Variants in NBAS observed in about 807,000 individuals in gnomAD.
NBAS encodes NBAS subunit of NRZ tethering complex, also known as NAG/BC035112 fusion.
Under a neutral mutation model 302.5 loss-of-function variants are expected in NBAS, and 219 were observed. That is an observed-to-expected ratio of 0.72 (90% CI 0.65 to 0.81). The LOEUF is 0.81. Ranked by LOEUF, NBAS falls within the 30% of genes least tolerant of loss-of-function variation. The pLI, the probability that NBAS is intolerant of heterozygous loss-of-function variation, is 0.00. For synonymous variants in NBAS, 1,118 were observed against 1,021.6 expected, an observed-to-expected ratio of 1.09 and a Z score of -1.80; for missense variants, 2,932 against 2,841.6, an observed-to-expected ratio of 1.03 and a Z score of -0.72.
At chr2:14,874,463 TAAA>T in the NBAS span, among the ~76,000 whole-genome samples, 27 of 129,644 alleles carry the variant, frequency 2.1e-4, no homozygotes, top group Admixed American at 6.2e-4. Flanking sequence ...CGTCTCTACT[TAAA>T]AAAAAAAAAA....
the NBAS span, among the ~76,000 whole-genome samples, chr2:15,104,600 G>C: frequency 6.6e-6 from 1 of 151,534 alleles, no homozygotes; most frequent in Non-Finnish European, 1.5e-5. Context: ...GGTATTTCTG[G>C]TTCTAGATCC....
chr2:15,028,006 C>G, the NBAS span, among the ~76,000 whole-genome samples: 1 of 152,106 alleles, frequency 6.6e-6, no homozygotes, highest in African/African-American at 2.4e-5. Flanking sequence ...ACACTTTATT[C>G]TTTTGATACA....
the NBAS span, among the ~76,000 whole-genome samples, chr2:14,964,957 C>T: frequency 6.6e-6 from 1 of 151,730 alleles, no homozygotes; most frequent in Non-Finnish European, 1.5e-5. Context: ...AAGAATAAAT[C>T]AAAAGGGAAG....
At chr2:15,550,703 C>T (rs1380061244) in intron 6 of NBAS, among the ~76,000 whole-genome samples, 2 of 151,808 alleles carry the variant, frequency 1.3e-5, no homozygotes, top group Non-Finnish European at 2.9e-5. Context: ...TCTCCTGCCT[C>T]GGCCTCCCAA....
intron 48 of NBAS, among the ~76,000 whole-genome samples, chr2:15,218,336 T>C (rs1267556910): frequency 1.5e-5 from 2 of 136,528 alleles, no homozygotes; most frequent in African/African-American, 5.9e-5. Flanking sequence ...AATAGCTGAT[T>C]GATATATATA....
At chr2:15,181,420 A>G (rs1218310445) in intron 50 of NBAS, among the ~76,000 whole-genome samples, 1 of 152,210 alleles carries the variant, frequency 6.6e-6, no homozygotes, top group East Asian at 1.9e-4. Flanking sequence ...TTGGCCAAAT[A>G]CTTACTCTAT....
intron 42 of NBAS, among the ~76,000 whole-genome samples, chr2:15,284,715 G>A (rs1669965509): frequency 6.6e-6 from 1 of 152,112 alleles, no homozygotes. Flanking sequence ...TATTAACAAG[G>A]CTGATTTCTA....
intron 44 of NBAS, among the ~76,000 whole-genome samples, chr2:15,241,355 A>G (rs1667859598): frequency 6.6e-6 from 1 of 152,216 alleles, no homozygotes; most frequent in Admixed American, 6.5e-5. Context: ...GCTAATTCAC[A>G]TGGGCAGGAA....
the NBAS span, among the ~76,000 whole-genome samples, chr2:14,842,939 C>T: frequency 2.0e-5 from 3 of 150,734 alleles, no homozygotes; most frequent in African/African-American, 7.3e-5. Context: ...AACTCAAACT[C>T]AACAACCCAT....
chr2:15,535,551 T>TAAATAAATAAATAAATAAATAAACAAAC (rs1553334457), intron 8 of NBAS, among the ~76,000 whole-genome samples: 5 of 147,778 alleles, frequency 3.4e-5, no homozygotes, highest in African/African-American at 1.3e-4. Context: ...AATAAATAAA[T>TAAATAAATAAATAAATAAATAAACAAAC]AAATAAATAA....
intron 47 of NBAS, among the ~76,000 whole-genome samples, chr2:15,232,194 G>C (rs1271986945): frequency 6.6e-6 from 1 of 151,976 alleles, no homozygotes; most frequent in Non-Finnish European, 1.5e-5. Context: ...ATTTCTAATG[G>C]CTTTCAAGGA....
chr2:15,219,302 AAT>A (rs1491169009), intron 47 of NBAS, among the ~76,000 whole-genome samples: 2 of 124,432 alleles, frequency 1.6e-5, no homozygotes, highest in Admixed American at 7.5e-5. Flanking sequence ...GCATTCTAGT[AAT>A]TTTTTTTTTT....
At chr2:15,506,711 A>C (rs994193717) in intron 10 of NBAS, among the ~76,000 whole-genome samples, 1 of 152,212 alleles carries the variant, frequency 6.6e-6, no homozygotes, top group Admixed American at 6.5e-5. Flanking sequence ...TAAAATACAT[A>C]AATAGATGAC....
intron 9 of NBAS, among the ~76,000 whole-genome samples, chr2:15,528,236 T>C (rs1663017519): frequency 6.6e-6 from 1 of 152,088 alleles, no homozygotes; most frequent in Non-Finnish European, 1.5e-5. Flanking sequence ...CTACCTACCA[T>C]GCTTCCCTGC....
intron 21 of NBAS, among the ~76,000 whole-genome samples, chr2:15,430,291 A>T (rs577956024): frequency 9.2e-5 from 14 of 152,262 alleles, no homozygotes; most frequent in African/African-American, 3.1e-4. Context: ...ATCAAAACAG[A>T]TTTTCACATT....
the NBAS span, among the ~76,000 whole-genome samples, chr2:15,149,397 A>T: frequency 6.6e-6 from 1 of 152,258 alleles, no homozygotes; most frequent in East Asian, 1.9e-4. Context: ...GTATTCTGTT[A>T]TAGCAGCACA....
At chr2:14,842,652 A>G in the NBAS span, among the ~76,000 whole-genome samples, 1 of 152,130 alleles carries the variant, frequency 6.6e-6, no homozygotes, top group Admixed American at 6.5e-5. Context: ...AACAAAAAAC[A>G]AGATCAAAAC....
chr2:15,383,448 T>C (rs1444977070), intron 28 of NBAS, 131 bp from the exon 29 acceptor site: 2 of 729,078 alleles, frequency 2.7e-6, no homozygotes, highest in African/African-American at 1.8e-5. Context: ...TCTCAAATGA[T>C]CAAAAAGAAT....
In NBAS at chr2:15,472,199, G is replaced by A. The variant is rs183366082; in HGVS notation, c.1725+1023C>T. Among the ~76,000 whole-genome samples the A allele has an allele frequency of 2.3e-4, 35 of 152,298 alleles. 1 individual carries two copies. In the East Asian group the frequency reaches 6.6e-3, roughly 29 times the overall value. On this transcript the variant is annotated intron_variant, in intron 16 of 51. Coordinates refer to ENST00000281513, the MANE Select transcript of NBAS (RefSeq NM_015909.4). ...CTGGGTGCTGGAGGGCCACTGCAAA[G>A]GAAGAGGCTCTGCTTTCTAGTCCTG...
Sources: gnomAD v4.1 joint callset for allele counts (sites outside exome capture counted in the v4.1 genomes callset) on GRCh38, gnomAD v4.1.1 for gene constraint, MANE v1.5 for transcripts, NCBI Gene and HGNC (gene_info 2026-07-23, HGNC 2026-07-21) for gene names.